Variants in NLRX1 observed in about 807,000 individuals in gnomAD.
NLRX1 encodes the protein NOD-like receptor X1.
NLRX1 carries 67 observed loss-of-function variants against 74.2 expected under a neutral mutation model. The observed-to-expected ratio is 0.90, with a 90% CI of 0.74 to 1.11. NLRX1 has a LOEUF of 1.11. NLRX1 is among the 50% of genes least tolerant of loss of function. The pLI, the probability that NLRX1 is intolerant of heterozygous loss-of-function variation, is 0.00. For missense variants in NLRX1, 1,191 were observed against 1,305.4 expected (o/e 0.91, Z 1.35); for synonymous variants, 506 against 559.1 (o/e 0.91, Z 1.34).
chr11:119,181,103 A>C, intron 7 of NLRX1, 68 bp from the exon 8 acceptor site: 1 of 1,103,454 alleles, frequency 9.1e-7, no homozygotes. Flanking sequence ...GGCATGGTAG[A>C]TGGACAGACT....
Position 119,182,919 on chromosome 11 carries a change from CAAAAAA to C in NLRX1, c.2607-192_2607-187del, listed in dbSNP as rs371710220. 2.2e-3 allele frequency among the ~76,000 whole-genome samples: 305 copies of C among 141,216 alleles called. 1 individual carries two copies. The highest frequency in any genetic ancestry group is 0.013 in the East Asian group (63 of 4,850). 92.6% of individuals were successfully genotyped at this position (141,216 alleles called of 152,430 possible). On this transcript the variant is annotated intron_variant, in intron 9 of 9. Transcript: ENST00000409109. ...ACAAAAACAAAAACAAAAACAAAAA[CAAAAAA>C]AAAAAAGAATTTTAGTATTAGTCCC...
In NLRX1 at chr11:119,183,062, C is replaced by G. The variant is rs777088359; in HGVS notation, c.2607-56C>G. 3 of 1,501,880 alleles carry G rather than the reference C, an allele frequency of 2.0e-6. No individual in the cohort carries two copies. The highest frequency in any genetic ancestry group is 1.8e-6 in the Non-Finnish European group (2 of 1,103,840). 93.0% of individuals were successfully genotyped at this position (1,501,880 alleles called of 1,614,324 possible). ...CCCTGACTTTCCATCCATCTACCCT[C>G]GGGCCCTCCTTCTCAGAGCTCTACT... On this transcript the variant is annotated intron_variant, in intron 9 of 9. Transcript: ENST00000409109. The surrounding 1 kb of genome is among the most constrained non-coding windows in gnomAD (Gnocchi z 5.7).
intron 8 of NLRX1, 68 bp from the exon 9 acceptor site, chr11:119,182,026 C>T (rs1565835266): frequency 6.4e-7 from 1 of 1,573,932 alleles, no homozygotes; most frequent in Non-Finnish European, 8.7e-7. Flanking sequence ...GCTGCCAGTA[C>T]CACCCCCAAC....
At position 119,179,870 on chromosome 11, in the gene NLRX1, G is replaced by T; in HGVS notation, c.1849G>T (p.Asp617Tyr). 1 of 1,613,948 alleles carries T rather than the reference G, an allele frequency of 6.2e-7. No individual in the cohort carries two copies. The highest frequency in any genetic ancestry group is 1.3e-5 in the African/African-American group (1 of 75,054). ...PRRHPDEPPE[D>Y]EVFELFPMFM... is the part of the protein sequence containing the mutation. The stretch of plus-strand genomic sequence containing the variant: ...GCGCCACCCAGATGAGCCCCCTGAG[G>T]ATGAAGTCTTCGAGCTCTTCCCCAT... The change falls in exon 7 of 10, where the codon GAT (aspartate) becomes TAT (tyrosine). Residue 617 changes from aspartate (D) to tyrosine (Y), a missense_variant. Coordinates refer to ENST00000409109, the MANE Select transcript of NLRX1 (RefSeq NM_001282144.2).
At position 119,173,744 on chromosome 11, in the gene NLRX1, T is replaced by C. The variant is rs138727464; in HGVS notation, c.495T>C (p.Tyr165=). 537 of 1,613,852 alleles carry C rather than the reference T, an allele frequency of 3.3e-4. 4 individuals carry two copies. In the African/African-American group the frequency reaches 6.4e-3, roughly 19 times the overall value. ...GCCGGGTGCAGACAGTGGTGCTGTA[T>C]GGGACAGTGGGCACAGGCAAGAGCA... ...CGRRVQTVVL[Y]GTVGTGKSTL... The change falls in exon 5 of 10, where the codon TAT becomes TAC. Residue 165 remains tyrosine, a synonymous_variant. Coordinates refer to ENST00000409109, the MANE Select transcript of NLRX1 (RefSeq NM_001282144.2). The surrounding 1 kb of genome is among the most constrained non-coding windows in gnomAD (Gnocchi z 4.0).
chr11:119,180,442 C>T (rs1054595589), intron 7 of NLRX1, among the ~76,000 whole-genome samples, 154 bp downstream of exon 7: 7 of 152,216 alleles, frequency 4.6e-5, no homozygotes, highest in African/African-American at 1.7e-4. Flanking sequence ...CAGTGGCTCA[C>T]ACCTGTAATC....
chr11:119,172,441 C>T lies in NLRX1; in HGVS notation c.140+16C>T. On this transcript the variant is annotated intron_variant, in intron 3 of 9. Transcript: ENST00000409109. Reference sequence around the variant, plus strand: ...GGCCCCCTAGGTGAGGCCTGGGTGTCATACCTTAGGACTAGTCTGGGCACA... The same window carrying T: ...GGCCCCCTAGGTGAGGCCTGGGTGTTATACCTTAGGACTAGTCTGGGCACA... 1 of 1,591,370 alleles carries T rather than the reference C, an allele frequency of 6.3e-7. No individual in the cohort carries two copies. The highest frequency in any genetic ancestry group is 8.6e-7 in the Non-Finnish European group (1 of 1,159,420).
Position 119,183,972 on chromosome 11 carries a change from T to TG in NLRX1, c.*534dup, listed in dbSNP as rs778231275. 9.1e-6 allele frequency: 7 copies of TG among 767,906 alleles called. No homozygotes were observed. The Admixed American group carries it at 1.2e-4, about 13-fold the overall frequency. The allele number at this position is 767,906 out of a possible 1,614,324, so 47.6% of individuals were successfully genotyped here. ...TGGCTTGGTAGCCCCTCGAGGCAGA[T>TG]GCACCTGACTTGCTGCTATTAAAAA... is the stretch of plus-strand genomic sequence containing the variant. On this transcript the variant is annotated 3_prime_UTR_variant, in exon 10 of 10. Transcript: ENST00000409109. The surrounding 1 kb of genome is among the most constrained non-coding windows in gnomAD (Gnocchi z 5.7).
Position 119,173,721 on chromosome 11 carries a change from C to T in NLRX1, c.472C>T (p.Arg158Trp), listed in dbSNP as rs374139533. The change falls in exon 5 of 10, where the codon CGG becomes TGG. Residue 158 changes from arginine (R) to tryptophan (W), a missense_variant. Transcript: ENST00000409109. The surrounding 1 kb of genome is among the most constrained non-coding windows in gnomAD (Gnocchi z 4.0). ...CTTTAACCCGGATGCCTGTGGGCGC[C>T]GGGTGCAGACAGTGGTGCTGTATGG... The part of the protein sequence containing the change: ...QLFNPDACGR[R>W]VQTVVLYGTV... 20 of 1,613,784 alleles carry T rather than the reference C, an allele frequency of 1.2e-5. No individual in the cohort carries two copies. The highest frequency in any genetic ancestry group is 1.6e-4 in the Middle Eastern group (1 of 6,084).
At chr11:119,179,627 G>A in intron 6 of NLRX1, 66 bp from the exon 7 acceptor site, 1 of 1,216,666 alleles carries the variant, frequency 8.2e-7, no homozygotes, top group Non-Finnish European at 1.1e-6. Flanking sequence ...TGTACCTTAA[G>A]CTGAACCTTG....
chr11:119,177,929 C>G (rs1948739201), intron 6 of NLRX1: 1 of 152,206 alleles, frequency 6.6e-6, no homozygotes, highest in African/African-American at 2.4e-5. Flanking sequence ...GTGGATTCAG[C>G]TTCACAGGGT....
chr11:119,170,000 G>GAA (rs59630475), intron 1 of NLRX1, among the ~76,000 whole-genome samples: 914 of 40,344 alleles, frequency 0.023, 34 homozygotes, highest in Admixed American at 0.029. Flanking sequence ...CCTGTCTCAG[G>GAA]AAAAAAAAAA....
chr11:119,181,015 T>C (rs1000900012), intron 7 of NLRX1, among the ~76,000 whole-genome samples, 156 bp from the exon 8 acceptor site: 9 of 152,034 alleles, frequency 5.9e-5, no homozygotes, highest in African/African-American at 2.2e-4. Flanking sequence ...TGCTCCAACC[T>C]GGGCAACAGA....
rs751971596 is a variant in NLRX1, at chr11:119,175,279, C to T, written c.1671+5C>T. 59 of 1,608,214 alleles carry T rather than the reference C, an allele frequency of 3.7e-5. 1 individual carries two copies. The South Asian group carries it at 6.2e-4, about 17-fold the overall frequency. ...CTGCTCTTCAACCTGATCAAGGTAA[C>T]ATCCCGATCAAGGTAACCCCCCAAC... On this transcript the variant is annotated splice_donor_5th_base_variant and intron_variant, in intron 6 of 9. Coordinates refer to ENST00000409109, the MANE Select transcript of NLRX1 (RefSeq NM_001282144.2).
rs548650241 is a variant in NLRX1 at position 119,180,008 on chromosome 11, G to A, written c.1987G>A (p.Gly663Ser). The stretch of plus-strand genomic sequence containing the variant: ...TGCCCAGGCCATCAAGAAGAAGCTG[G>A]GCAAGCTGGGCCGGCAGGTGCTGCC... ...ENAQAIKKKL[G>S]KLGRQVLPPS... Residue 663 changes from glycine (G) to serine (S), a missense_variant, in exon 7 of 10, where the codon GGC becomes AGC. Gly to Ser is a moderately conservative substitution (Grantham distance 56). Coordinates refer to ENST00000409109, the MANE Select transcript of NLRX1 (RefSeq NM_001282144.2). The A allele has an allele frequency of 6.2e-7, 1 of 1,613,720 alleles. No homozygotes were observed. Among genetic ancestry groups the A allele is most frequent in the African/African-American group, 1.3e-5 (1 of 75,068 alleles).
chr11:119,184,003 G>A lies in NLRX1; in HGVS notation c.*564G>A. 1.4e-6 allele frequency: 1 copy of A among 734,966 alleles called. No homozygotes were observed. Among genetic ancestry groups the A allele is most frequent in the Non-Finnish European group, 2.6e-6 (1 of 392,050 alleles). 45.5% of individuals were successfully genotyped at this position (734,966 alleles called of 1,614,324 possible). A position where few individuals can be genotyped will look rare whatever the true frequency, so the allele number is the denominator to read the frequency against. On this transcript the variant is annotated 3_prime_UTR_variant, in exon 10 of 10. Transcript: ENST00000409109. ...TGACTTGCTGCTATTAAAAAGCCGT[G>A]TGCCTTCTACCAATTGTGGCCTCTT... is the stretch of plus-strand genomic sequence containing the variant.
Position 119,173,816 on chromosome 11 carries a change from G to A in NLRX1, c.567G>A (p.Pro189=), listed in dbSNP as rs200370486. Reference sequence around the variant, plus strand: ...TGGACTGGTGTTATGGGCGGCTGCCGGCCTTCGAGCTGCTCATCCCCTTCT... The same window carrying A: ...TGGACTGGTGTTATGGGCGGCTGCCAGCCTTCGAGCTGCTCATCCCCTTCT... ...MVLDWCYGRL[P]AFELLIPFSC... is the part of the protein sequence containing the mutation. The change falls in exon 5 of 10, where the codon CCG becomes CCA. Residue 189 remains proline, a synonymous_variant. Coordinates refer to ENST00000409109, the MANE Select transcript of NLRX1 (RefSeq NM_001282144.2). This position sits in a 1 kb window ranked among gnomAD's most constrained non-coding sequence, Gnocchi z 4.0. 13 of 1,613,478 alleles carry A rather than the reference G, an allele frequency of 8.1e-6. No individual in the cohort carries two copies. The highest frequency in any genetic ancestry group is 5.0e-5 in the Admixed American group (3 of 60,026).
chr11:119,171,491 G>C lies in NLRX1; in HGVS notation c.70+18G>C, dbSNP rs748877044. On this transcript the variant is annotated intron_variant, in intron 2 of 9. Transcript: ENST00000409109. ...GCGACCAGGTGAGCAGGAAGCAGGG[G>C]TTTCTGTTTTTACCTCTTTCTTGCT... The C allele has an allele frequency of 6.3e-7, 1 of 1,591,324 alleles. No individual in the cohort carries two copies. Among genetic ancestry groups the C allele is most frequent in the Non-Finnish European group, 8.6e-7 (1 of 1,159,514 alleles).
chr11:119,180,329 GGGTTGGAGGTGAAGAA>G (rs760376059), intron 7 of NLRX1, 41 bp downstream of exon 7: 1 of 1,465,958 alleles, frequency 6.8e-7, no homozygotes, highest in Admixed American at 2.2e-5. Flanking sequence ...AGAGGGAAGA[GGGTTGGAGGTGAAGAA>G]GTGGGAAAAG....
Sources: gnomAD v4.1 joint callset for allele counts (sites outside exome capture counted in the v4.1 genomes callset) on GRCh38, gnomAD v4.1.1 for gene constraint, Gnocchi (gnomAD v3.1) non-coding constraint, MANE v1.5 for transcripts, NCBI Gene and HGNC (gene_info 2026-07-23, HGNC 2026-07-21) for gene names.